TBCEL: variants seen among roughly 807,000 people sequenced by gnomAD.
The protein encoded by TBCEL is tubulin-specific chaperone cofactor E-like protein.
TBCEL carries 15 observed loss-of-function variants against 44.2 expected under a neutral mutation model. The ratio of observed to expected loss-of-function variants is 0.34; its 90% CI spans 0.23 to 0.52. The LOEUF (loss-of-function observed/expected upper bound fraction) is 0.52. Among genes scored for constraint, TBCEL ranks in the 20% least tolerant of loss-of-function variants. The pLI is 0.95. For missense variants in TBCEL, 319 were observed against 506.3 expected, an observed-to-expected ratio of 0.63 and a Z score of 3.55; for synonymous variants, 171 against 185.4, an observed-to-expected ratio of 0.92 and a Z score of 0.63.
intron 6 of TBCEL, among the ~76,000 whole-genome samples, chr11:121,056,037 G>A (rs1945614171): frequency 6.6e-6 from 1 of 151,582 alleles, no homozygotes; most frequent in Non-Finnish European, 1.5e-5. Context: ...TATTGGTGGT[G>A]TAAATTCTAC....
At chr11:121,064,752 G>A (rs1945787044) in intron 8 of TBCEL, among the ~76,000 whole-genome samples, 1 of 152,276 alleles carries the variant, frequency 6.6e-6, no homozygotes, top group South Asian at 2.1e-4. Flanking sequence ...TTTAGGATTT[G>A]TAACGGAGAA....
chr11:121,047,737 A>G, intron 4 of TBCEL, 70 bp downstream of exon 4: 4 of 1,557,590 alleles, frequency 2.6e-6, no homozygotes, highest in Middle Eastern at 1.7e-4. Flanking sequence ...TTATGTTATT[A>G]TATGTTCTGC....
chr11:121,047,875 C>A (rs1476886871), intron 4 of TBCEL: 1 of 379,156 alleles, frequency 2.6e-6, no homozygotes, highest in Non-Finnish European at 4.5e-6. Flanking sequence ...GCAGGAGGAT[C>A]ACTTGAGCCC....
chr11:121,037,791 A>G (rs1245678465), intron 2 of TBCEL, among the ~76,000 whole-genome samples: 1 of 152,192 alleles, frequency 6.6e-6, no homozygotes, highest in African/African-American at 2.4e-5. Context: ...AATCTAAACC[A>G]AAGTCTCCTG....
rs149015352 is a variant in TBCEL, at chr11:121,077,080, T to A, written c.957-9698T>A. On this transcript the variant is annotated intron_variant, in intron 8 of 8. Transcript: ENST00000683345. ...ATTTTGTTAAGGATTTTTGTGTTTA[T>A]GCTTATAAAGGGATATTGGTCTGTA... Among the ~76,000 whole-genome samples the A allele has an allele frequency of 3.3e-3, 507 of 152,192 alleles. 3 individuals are homozygous for A. The highest frequency in any genetic ancestry group is 0.012 in the African/African-American group (487 of 41,566).
intron 8 of TBCEL, among the ~76,000 whole-genome samples, chr11:121,075,778 T>C (rs1334515557): frequency 1.3e-5 from 2 of 151,974 alleles, no homozygotes; most frequent in Non-Finnish European, 1.5e-5. Context: ...TTAGGCGATT[T>C]TGTCATGTGA....
intron 1 of TBCEL, among the ~76,000 whole-genome samples, chr11:121,033,688 G>A (rs958845500): frequency 4.6e-5 from 7 of 151,976 alleles, no homozygotes; most frequent in East Asian, 1.9e-4. Flanking sequence ...CATTTTAACC[G>A]TTTTGTAGTT....
Position 121,075,320 on chromosome 11 carries a change from G to A in TBCEL, c.957-11458G>A, listed in dbSNP as rs1946013609. Reference sequence around the variant, plus strand: ...AAAGACAGCTTTTTCAATGGACAGTGCTGAAGCAACTGGATCACTATAGGC... The same window carrying A: ...AAAGACAGCTTTTTCAATGGACAGTACTGAAGCAACTGGATCACTATAGGC... On this transcript the variant is annotated intron_variant, in intron 8 of 8. Transcript: ENST00000683345. Among the ~76,000 whole-genome samples, 6 of 151,982 alleles carry A rather than the reference G, an allele frequency of 3.9e-5. No homozygotes were observed. The South Asian group carries it at 1.2e-3, about 32-fold the overall frequency.
In TBCEL at chr11:121,087,102, A is replaced by C. The variant is rs745927020; in HGVS notation, c.*6A>C. The C allele has an allele frequency of 6.2e-7, 1 of 1,606,516 alleles. No homozygotes were observed. The highest frequency in any genetic ancestry group is 1.1e-5 in the South Asian group (1 of 89,710). On this transcript the variant is annotated 3_prime_UTR_variant, in exon 9 of 9. Transcript: ENST00000683345. ...TGGAATCCAAAACAAAATAACCTCT[A>C]CCAGCCTTGTGAAAAACATACACAT... is the stretch of plus-strand genomic sequence containing the variant.
intron 6 of TBCEL, among the ~76,000 whole-genome samples, chr11:121,056,339 C>T (rs956920122): frequency 6.6e-6 from 1 of 151,708 alleles, no homozygotes; most frequent in African/African-American, 2.4e-5. Flanking sequence ...AATACTATTC[C>T]ATTTTCTGGA....
chr11:121,031,470 A>C (rs560925914), intron 1 of TBCEL, among the ~76,000 whole-genome samples: 19 of 151,998 alleles, frequency 1.3e-4, no homozygotes, highest in Non-Finnish European at 2.6e-4. Context: ...AAACATTTTA[A>C]TTTTATCTTT....
chr11:121,034,428 C>A (rs966613970), intron 1 of TBCEL, among the ~76,000 whole-genome samples: 1 of 152,124 alleles, frequency 6.6e-6, no homozygotes, highest in African/African-American at 2.4e-5. Flanking sequence ...CTTTTGGAAT[C>A]TCCGTGGAGT....
chr11:121,067,458 C>G (rs960459181), intron 8 of TBCEL, among the ~76,000 whole-genome samples: 1 of 152,200 alleles, frequency 6.6e-6, no homozygotes, highest in African/African-American at 2.4e-5. Context: ...GGAAGTTTAG[C>G]CTCTCTGCTC....
chr11:121,075,645 G>A (rs1946019726), intron 8 of TBCEL, among the ~76,000 whole-genome samples: 1 of 151,858 alleles, frequency 6.6e-6, no homozygotes, highest in African/African-American at 2.4e-5. Flanking sequence ...GACCTTCTCT[G>A]ATTTCTTCCA....
chr11:121,026,867 A>G (rs1004663349), intron 1 of TBCEL, among the ~76,000 whole-genome samples: 1 of 152,170 alleles, frequency 6.6e-6, no homozygotes, highest in Non-Finnish European at 1.5e-5. Context: ...GTACTTGTCA[A>G]TAAACAGTTA....
At chr11:121,052,069 T>C (rs1945538643) in intron 4 of TBCEL, among the ~76,000 whole-genome samples, 1 of 151,862 alleles carries the variant, frequency 6.6e-6, no homozygotes, top group Admixed American at 6.6e-5. Flanking sequence ...TCAGTAATTA[T>C]GGTGGAACCT....
At chr11:121,062,883 A>G (rs554523117) in intron 8 of TBCEL, among the ~76,000 whole-genome samples, 130 of 152,136 alleles carry the variant, frequency 8.5e-4, no homozygotes, top group Non-Finnish European at 1.5e-3. Flanking sequence ...GGACTTTACC[A>G]CTGGACACTT....
intron 2 of TBCEL, among the ~76,000 whole-genome samples, chr11:121,037,711 A>G (rs193112584): frequency 2.0e-5 from 3 of 152,336 alleles, no homozygotes; most frequent in Admixed American, 6.5e-5. Context: ...ATATATCTAC[A>G]TAGCATGGAA....
chr11:121,057,811 A>G (rs1006343799), intron 6 of TBCEL, among the ~76,000 whole-genome samples: 1 of 147,364 alleles, frequency 6.8e-6, no homozygotes, highest in Non-Finnish European at 1.5e-5. Flanking sequence ...GGATTTTGGT[A>G]TCTGTAGGAG....
Sources: gnomAD v4.1 joint callset for allele counts (sites outside exome capture counted in the v4.1 genomes callset) on GRCh38, gnomAD v4.1.1 for gene constraint, MANE v1.5 for transcripts, NCBI Gene and HGNC (gene_info 2026-07-23, HGNC 2026-07-21) for gene names.